SLC26A7: variants seen among roughly 807,000 people sequenced by gnomAD.
The protein encoded by SLC26A7 is solute carrier family 26 member 7.
A neutral mutation model predicts 82.5 loss-of-function variants in SLC26A7; 59 were observed. The ratio of observed to expected loss-of-function variants is 0.72; its 90% CI spans 0.58 to 0.89. The LOEUF is 0.89. Ranked by LOEUF, SLC26A7 falls within the 40% of genes least tolerant of loss-of-function variation. SLC26A7 has a pLI of 0.00. For missense variants in SLC26A7, 820 were observed against 793.0 expected (o/e 1.03, Z -0.41); for synonymous variants, 271 against 274.3 (o/e 0.99, Z 0.12).
At chr8:91,379,408 C>G (rs190769542) in intron 15 of SLC26A7, among the ~76,000 whole-genome samples, 18 of 152,142 alleles carry the variant, frequency 1.2e-4, no homozygotes, top group South Asian at 8.3e-4. Flanking sequence ...CTCTTAGCAT[C>G]AAGATGTATT....
Position 91,364,861 on chromosome 8 carries a change from C to G in SLC26A7, c.1488+1323C>G, listed in dbSNP as rs1272101791. Among the ~76,000 whole-genome samples, 3 of 152,168 alleles carry G rather than the reference C, an allele frequency of 2.0e-5. No homozygotes were observed. In the East Asian group the frequency reaches 5.8e-4, roughly 29 times the overall value. ...GTCTATTCACTGACCTGAATAATAA[C>G]TGTTTCACATGGAGATTTTAATTTT... On this transcript the variant is annotated intron_variant, in intron 13 of 18. Transcript: ENST00000276609.
intron 16 of SLC26A7, among the ~76,000 whole-genome samples, chr8:91,391,815 T>TTA (rs398008754): frequency 6.6e-6 from 1 of 151,928 alleles, no homozygotes; most frequent in African/African-American, 2.4e-5. Flanking sequence ...TTTTTTTTTT[T>TTA]AAACTGGGAA....
rs542340454 is a variant in SLC26A7, at chr8:91,356,792, A to G, written c.1314+3796A>G. Reference sequence around the variant, plus strand: ...CCATTGCTTTTGGTGTTTTTTATTCATTATTTTATTTCTTTATTTTCCTCA... The same window carrying G: ...CCATTGCTTTTGGTGTTTTTTATTCGTTATTTTATTTCTTTATTTTCCTCA... On this transcript the variant is annotated intron_variant, in intron 11 of 18. Coordinates refer to ENST00000276609, the MANE Select transcript of SLC26A7 (RefSeq NM_052832.4). Among the ~76,000 whole-genome samples, 479 of 151,804 alleles carry G rather than the reference A, an allele frequency of 3.2e-3. 2 individuals carry two copies. The highest frequency in any genetic ancestry group is 0.011 in the African/African-American group (443 of 41,454).
intron 3 of SLC26A7, among the ~76,000 whole-genome samples, chr8:91,292,375 A>T (rs1439238434): frequency 6.6e-6 from 1 of 152,086 alleles, no homozygotes; most frequent in African/African-American, 2.4e-5. Flanking sequence ...AAATAGACTA[A>T]TTATGTTTTG....
At chr8:91,257,354 T>A (rs1810832743) in intron 2 of SLC26A7, among the ~76,000 whole-genome samples, 1 of 152,146 alleles carries the variant, frequency 6.6e-6, no homozygotes, top group Non-Finnish European at 1.5e-5. Flanking sequence ...CTTACTGCTG[T>A]CCGCTTGGTT....
At chr8:91,358,393 A>G (rs1172031527) in intron 11 of SLC26A7, among the ~76,000 whole-genome samples, 1 of 150,442 alleles carries the variant, frequency 6.6e-6, no homozygotes, top group Non-Finnish European at 1.5e-5. Context: ...CAGTGGCACA[A>G]TCTTGGCTCA....
chr8:91,295,481 C>T, intron 3 of SLC26A7, 50 bp from the exon 4 acceptor site: 2 of 1,564,830 alleles, frequency 1.3e-6, no homozygotes, highest in Non-Finnish European at 1.7e-6. Flanking sequence ...TTTTATTGAG[C>T]CTTTAAATCA....
Position 91,343,406 on chromosome 8 carries a change from A to G in SLC26A7, c.1080A>G (p.Ile360Met). The G allele has an allele frequency of 1.9e-6, 3 of 1,613,114 alleles. No individual in the cohort carries two copies. The highest frequency in any genetic ancestry group is 1.7e-6 in the Non-Finnish European group (2 of 1,179,836). The change falls in exon 9 of 19, where the codon ATA (isoleucine) becomes ATG (methionine). Residue 360 changes from isoleucine (I) to methionine (M), a missense_variant. Transcript: ENST00000276609. Reference protein sequence around the residue: ...SNIVSSFFFCIPSAAAMGRTA... With the variant: ...SNIVSSFFFCMPSAAAMGRTA... ...TAGTTTCTTCATTTTTCTTCTGCAT[A>G]CCAAGTGCTGCTGCCATGGGAAGGA...
intron 2 of SLC26A7, among the ~76,000 whole-genome samples, chr8:91,233,325 G>A (rs546510225): frequency 6.6e-6 from 1 of 152,250 alleles, no homozygotes; most frequent in East Asian, 1.9e-4. Context: ...CCAGCACTTT[G>A]GGAGGCCGAG....
At chr8:91,215,431 T>A (rs1563630229) in intron 1 of SLC26A7, among the ~76,000 whole-genome samples, 2 of 152,154 alleles carry the variant, frequency 1.3e-5, no homozygotes, top group African/African-American at 2.4e-5. Context: ...GAATGATTTT[T>A]AAAAATTTCT....
chr8:91,252,397 T>C (rs999817610), intron 2 of SLC26A7, among the ~76,000 whole-genome samples: 16 of 152,104 alleles, frequency 1.1e-4, no homozygotes, highest in African/African-American at 3.9e-4. Flanking sequence ...ATTAAAGATT[T>C]CCTAATTGTT....
chr8:91,281,495 A>T (rs1811571718), intron 2 of SLC26A7, among the ~76,000 whole-genome samples: 1 of 152,232 alleles, frequency 6.6e-6, no homozygotes, highest in African/African-American at 2.4e-5. Flanking sequence ...AAATGACTTG[A>T]AAATCTGCAG....
At chr8:91,321,526 G>A (rs2130812755) in intron 5 of SLC26A7, among the ~76,000 whole-genome samples, 1 of 152,254 alleles carries the variant, frequency 6.6e-6, no homozygotes, top group East Asian at 1.9e-4. Flanking sequence ...AATGCCCTTC[G>A]AGAATTTCTA....
chr8:91,289,368 A>G, intron 3 of SLC26A7, 122 bp downstream of exon 3: 1 of 747,226 alleles, frequency 1.3e-6, no homozygotes, highest in East Asian at 2.5e-5. Flanking sequence ...ATATTAGAGG[A>G]AGATATTTAC....
chr8:91,295,463 C>T lies in SLC26A7; in HGVS notation c.305-68C>T, dbSNP rs1012875912. On this transcript the variant is annotated intron_variant, in intron 3 of 18. Transcript: ENST00000276609. Reference sequence around the variant, plus strand: ...TTTCACAATGTAGCTTCGACAGAATCCCACAATTTTTATTGAGCCTTTAAA... The same window carrying T: ...TTTCACAATGTAGCTTCGACAGAATTCCACAATTTTTATTGAGCCTTTAAA... 5 of 1,539,418 alleles carry T rather than the reference C, an allele frequency of 3.2e-6. No individual in the cohort carries two copies. In the African/African-American group the frequency reaches 6.9e-5, roughly 21 times the overall value.
intron 1 of SLC26A7, among the ~76,000 whole-genome samples, chr8:91,213,514 G>GCATT (rs1401189690): frequency 6.6e-6 from 1 of 152,204 alleles, no homozygotes. Context: ...CCTGCTTTAA[G>GCATT]CAGGGAACTG....
chr8:91,215,582 A>G (rs142556441), intron 1 of SLC26A7, among the ~76,000 whole-genome samples: 1 of 152,314 alleles, frequency 6.6e-6, no homozygotes, highest in Admixed American at 6.5e-5. Context: ...ATTAATGGTG[A>G]AAAAGTAAAC....
intron 2 of SLC26A7, among the ~76,000 whole-genome samples, chr8:91,279,163 ATATG>A (rs1379656928): frequency 3.4e-4 from 35 of 102,510 alleles, no homozygotes; most frequent in African/African-American, 1.3e-3. Context: ...ATATATATAT[ATATG>A]TATCACATTT....
At chr8:91,307,873 T>G (rs1370131316) in intron 4 of SLC26A7, among the ~76,000 whole-genome samples, 1 of 117,362 alleles carries the variant, frequency 8.5e-6, no homozygotes, top group African/African-American at 3.9e-5. Context: ...AATTTTTAAA[T>G]TTTTTTGTAG....
Sources: gnomAD v4.1 joint callset for allele counts (sites outside exome capture counted in the v4.1 genomes callset) on GRCh38, gnomAD v4.1.1 for gene constraint, MANE v1.5 for transcripts, NCBI Gene and HGNC (gene_info 2026-07-23, HGNC 2026-07-21) for gene names.